The following TMEM120B variants were observed in gnomAD, a reference collection of about 807,000 sequenced individuals.
The protein encoded by TMEM120B is transmembrane protein 120B.
In TMEM120B, 31 loss-of-function variants were observed where a neutral mutation model predicts 55.5. The observed-to-expected ratio is 0.56, with a 90% CI of 0.42 to 0.75. The LOEUF (loss-of-function observed/expected upper bound fraction) is 0.75, where lower values mean the gene tolerates loss of function less well. TMEM120B is among the 30% of genes least tolerant of loss of function. TMEM120B has a pLI of 0.00. For missense variants in TMEM120B, 399 were observed against 425.5 expected, an observed-to-expected ratio of 0.94 and a Z score of 0.55; for synonymous variants, 203 against 176.3, an observed-to-expected ratio of 1.15 and a Z score of -1.20.
intron 1 of TMEM120B, among the ~76,000 whole-genome samples, chr12:121,733,239 C>T (rs2137061018): frequency 6.6e-6 from 1 of 151,962 alleles, no homozygotes; most frequent in Admixed American, 6.6e-5. Context: ...GGAGTGTATC[C>T]ATATATTCTT....
chr12:121,773,207 TTCTC>T (rs1024430757), intron 8 of TMEM120B, among the ~76,000 whole-genome samples: 2 of 152,212 alleles, frequency 1.3e-5, no homozygotes, highest in African/African-American at 4.8e-5. Flanking sequence ...CATACCTGTG[TTCTC>T]TCTGTGTTCT....
intron 1 of TMEM120B, among the ~76,000 whole-genome samples, chr12:121,725,113 T>C (rs1894869262): frequency 6.6e-6 from 1 of 152,190 alleles, no homozygotes; most frequent in Admixed American, 6.6e-5. Context: ...TTCCCCTTTG[T>C]TCTGATTTGG....
intron 3 of TMEM120B, 102 bp downstream of exon 3, chr12:121,748,544 G>A: frequency 1.3e-6 from 1 of 767,462 alleles, no homozygotes. Flanking sequence ...TCAGATTGAA[G>A]GGGAAAGAGG....
chr12:121,771,519 A>G lies in TMEM120B; in HGVS notation c.649A>G (p.Asn217Asp), dbSNP rs774477620. The G allele has an allele frequency of 2.8e-5, 46 of 1,614,046 alleles. No homozygotes were observed. In the South Asian group the frequency reaches 4.7e-4, roughly 17 times the overall value. Residue 217 changes from asparagine to aspartate, a missense_variant, in exon 8 of 12, where the codon AAC (asparagine) becomes GAC (aspartate). Coordinates refer to ENST00000449592, the MANE Select transcript of TMEM120B (RefSeq NM_001080825.2). Reference protein sequence around the residue: ...PNGPIYQKFRNQFLAFSIFQS... With the variant: ...PNGPIYQKFRDQFLAFSIFQS... ...TGGACCCATTTATCAGAAGTTTCGCAACCAGTTCTTAGCATTTTCCATTTT... is the reference window on the plus strand; with the variant it reads ...TGGACCCATTTATCAGAAGTTTCGCGACCAGTTCTTAGCATTTTCCATTTT...
intron 10 of TMEM120B, 104 bp downstream of exon 10, chr12:121,774,826 G>A: frequency 3.5e-6 from 5 of 1,409,984 alleles, no homozygotes; most frequent in Non-Finnish European, 4.9e-6. Context: ...CCATGCTGGG[G>A]CCCACAGCAT....
rs1874411896 is a variant in TMEM120B, at chr12:121,780,551, A to C, written c.*4829A>C. ...GCTCATAGCACAGACTTTGGATTGC[A>C]GTGGATGGGACCAGATCCTGGCTCC... On this transcript the variant is annotated 3_prime_UTR_variant, in exon 12 of 12. Coordinates refer to ENST00000449592, the MANE Select transcript of TMEM120B (RefSeq NM_001080825.2). 4.2e-6 allele frequency: 2 copies of C among 480,738 alleles called. No homozygotes were observed. The highest frequency in any genetic ancestry group is 2.8e-4 in the Middle Eastern group (1 of 3,518). The allele number at this position is 480,738 out of a possible 1,614,324, so 29.8% of individuals were successfully genotyped here.
In TMEM120B at chr12:121,771,523, A is replaced by G; in HGVS notation, c.653A>G (p.Gln218Arg). The G allele has an allele frequency of 6.2e-7, 1 of 1,613,998 alleles. No homozygotes were observed. The highest frequency in any genetic ancestry group is 8.5e-7 in the Non-Finnish European group (1 of 1,179,996). ...NGPIYQKFRN[Q>R]FLAFSIFQSC... ...CCCATTTATCAGAAGTTTCGCAACC[A>G]GTTCTTAGCATTTTCCATTTTTCAG... The change falls in exon 8 of 12, where the codon CAG becomes CGG. Residue 218 changes from glutamine (Q) to arginine (R), a missense_variant. Physicochemically the swap from Gln to Arg is conservative, Grantham distance 43 (BLOSUM62 1). Around this residue, in one of 3 missense-constraint regions of TMEM120B, gnomAD observed 260 missense variants for 303.9 expected, o/e 0.86. Transcript: ENST00000449592.
At chr12:121,715,585 T>C (rs1894685027) in intron 1 of TMEM120B, among the ~76,000 whole-genome samples, 1 of 152,162 alleles carries the variant, frequency 6.6e-6, no homozygotes, top group Non-Finnish European at 1.5e-5. Context: ...TGATGCCTCC[T>C]GCTCGGTTCA....
intron 1 of TMEM120B, among the ~76,000 whole-genome samples, chr12:121,713,169 A>T (rs1208467449): frequency 6.6e-6 from 1 of 151,996 alleles, no homozygotes; most frequent in Non-Finnish European, 1.5e-5. Context: ...GCCGGGTCGC[A>T]GCCCCCTCTT....
rs1389713662 is a variant in TMEM120B, at chr12:121,781,220, G to A, written c.*5498G>A. On this transcript the variant is annotated 3_prime_UTR_variant, in exon 12 of 12. Coordinates refer to ENST00000449592, the MANE Select transcript of TMEM120B (RefSeq NM_001080825.2). ...GAAAGCACAGAGCAGCGGGGGTCAG[G>A]GGACGTCCCCTCCCTGTCTGGACTC... 1.2e-6 allele frequency: 2 copies of A among 1,602,578 alleles called. No individual in the cohort carries two copies. The highest frequency in any genetic ancestry group is 1.7e-6 in the Non-Finnish European group (2 of 1,170,040).
At chr12:121,762,461 A>G (rs750096987) in intron 6 of TMEM120B, among the ~76,000 whole-genome samples, 16 of 152,230 alleles carry the variant, frequency 1.1e-4, no homozygotes, top group Non-Finnish European at 2.4e-4. Flanking sequence ...CTCTCTTCCA[A>G]GACTCTCACT....
chr12:121,750,267 C>G, intron 3 of TMEM120B, 113 bp from the exon 4 acceptor site: 3 of 1,018,772 alleles, frequency 2.9e-6, no homozygotes, highest in Non-Finnish European at 4.6e-6. Context: ...CTTAGGCCCC[C>G]TATCTTCTAA....
In TMEM120B at chr12:121,743,284, G is replaced by A. The variant is rs148760051; in HGVS notation, c.70-345G>A. Among the ~76,000 whole-genome samples, 45 of 151,864 alleles carry A rather than the reference G, an allele frequency of 3.0e-4. 1 individual carries two copies. In the East Asian group the frequency reaches 7.0e-3, roughly 24 times the overall value. On this transcript the variant is annotated intron_variant, in intron 1 of 11. Coordinates refer to ENST00000449592, the MANE Select transcript of TMEM120B (RefSeq NM_001080825.2). ...GTGATTTATTGGCTGGGTGTGGTGA[G>A]TCACGCCTGTAATCCCAGCACTTTG... is the stretch of plus-strand genomic sequence containing the variant.
chr12:121,760,129 CAAAA>C (rs1006164597), intron 5 of TMEM120B, among the ~76,000 whole-genome samples: 8 of 47,432 alleles, frequency 1.7e-4, no homozygotes, highest in Admixed American at 4.6e-4. Flanking sequence ...AACTACGTCT[CAAAA>C]AAAAAAAAAA....
At chr12:121,746,991 G>GAA (rs1022551484) in intron 2 of TMEM120B, among the ~76,000 whole-genome samples, 4 of 151,788 alleles carry the variant, frequency 2.6e-5, no homozygotes, top group Non-Finnish European at 5.9e-5. Flanking sequence ...AAAATGAGAA[G>GAA]AAAAATAGTA....
At chr12:121,715,066 G>A (rs548475909) in intron 1 of TMEM120B, among the ~76,000 whole-genome samples, 4 of 152,230 alleles carry the variant, frequency 2.6e-5, no homozygotes, top group Admixed American at 6.6e-5. Flanking sequence ...GGCCCAGCGC[G>A]GCGGCTCATG....
intron 1 of TMEM120B, among the ~76,000 whole-genome samples, chr12:121,731,688 T>C (rs1895006642): frequency 6.6e-6 from 1 of 152,230 alleles, no homozygotes; most frequent in East Asian, 1.9e-4. Context: ...ATGCATTTCT[T>C]AGAACGATCC....
chr12:121,743,809 C>A, intron 2 of TMEM120B, 62 bp downstream of exon 2: 1 of 1,173,226 alleles, frequency 8.5e-7, no homozygotes, highest in South Asian at 1.3e-5. Flanking sequence ...CAACTCAAAA[C>A]AGGCTGAAGC....
At chr12:121,759,083 C>T in intron 5 of TMEM120B, 1 of 940,770 alleles carries the variant, frequency 1.1e-6, no homozygotes, top group Non-Finnish European at 1.3e-6. Context: ...TATAGCTTAA[C>T]ACTGCAGACA....
Sources: allele counts gnomAD v4.1 joint callset (sites outside exome capture counted in the v4.1 genomes callset), GRCh38; gene constraint gnomAD v4.1.1; regional missense constraint gnomAD v4.1.1; transcripts MANE v1.5; gene names NCBI Gene and HGNC (gene_info 2026-07-23, HGNC 2026-07-21).